CYP39A1: variants seen among roughly 807,000 people sequenced by gnomAD.
CYP39A1 encodes 24-hydroxycholesterol 7-alpha-hydroxylase.
In CYP39A1, 49 loss-of-function variants were observed where a neutral mutation model predicts 58.1. That is an observed-to-expected ratio of 0.84 (90% CI 0.67 to 1.07). The LOEUF (loss-of-function observed/expected upper bound fraction) is 1.07, where lower values mean the gene tolerates loss of function less well. CYP39A1 is among the 50% of genes least tolerant of loss of function. CYP39A1 has a pLI of 0.00. For missense variants in CYP39A1, 531 were observed against 539.4 expected (o/e 0.98, Z 0.16); for synonymous variants, 209 against 187.6 (o/e 1.11, Z -0.93).
At chr6:46,627,447 C>T (rs1161357689) in intron 6 of CYP39A1, among the ~76,000 whole-genome samples, 4 of 148,990 alleles carry the variant, frequency 2.7e-5, no homozygotes, top group African/African-American at 9.9e-5. Flanking sequence ...GAGACAGAGT[C>T]TCGCTCTGTT....
At chr6:46,615,059 T>C (rs970407352) in intron 7 of CYP39A1, among the ~76,000 whole-genome samples, 8 of 152,098 alleles carry the variant, frequency 5.3e-5, no homozygotes, top group Non-Finnish European at 1.0e-4. Context: ...AATGGCAAAG[T>C]CTTATTTTCA....
intron 7 of CYP39A1, among the ~76,000 whole-genome samples, chr6:46,614,674 C>T (rs551519121): frequency 2.0e-5 from 3 of 152,228 alleles, no homozygotes; most frequent in East Asian, 3.9e-4. Context: ...GATCATTACA[C>T]TTTCTATATT....
At chr6:46,584,476 C>T (rs949662370) in intron 10 of CYP39A1, among the ~76,000 whole-genome samples, 13 of 152,134 alleles carry the variant, frequency 8.5e-5, no homozygotes, top group Admixed American at 3.3e-4. Flanking sequence ...CGCTTCTAAT[C>T]ATCTTCCAAA....
At chr6:46,580,725 A>G (rs892310109) in intron 10 of CYP39A1, among the ~76,000 whole-genome samples, 12 of 152,210 alleles carry the variant, frequency 7.9e-5, no homozygotes, top group African/African-American at 2.9e-4. Context: ...AGAAATACAC[A>G]TGGGAAACAA....
intron 7 of CYP39A1, among the ~76,000 whole-genome samples, chr6:46,611,415 T>C (rs1774205560): frequency 6.6e-6 from 1 of 152,334 alleles, no homozygotes; most frequent in East Asian, 1.9e-4. Flanking sequence ...TTACATCCAA[T>C]GGAAGATAAG....
At position 46,611,523 on chromosome 6, in the gene CYP39A1, A is replaced by G. The variant is rs144426518; in HGVS notation, c.931+13895T>C. Among the ~76,000 whole-genome samples, 307 of 152,344 alleles carry G rather than the reference A, an allele frequency of 2.0e-3. 2 individuals are homozygous for G. The highest frequency in any genetic ancestry group is 7.2e-3 in the African/African-American group (300 of 41,582). Reference sequence around the variant, plus strand: ...ATTCTATCATGTCAAAAGAAGTTCAATGCCACTATACCAAGTCAACCATAT... The same window carrying G: ...ATTCTATCATGTCAAAAGAAGTTCAGTGCCACTATACCAAGTCAACCATAT... On this transcript the variant is annotated intron_variant, in intron 7 of 11. Coordinates refer to ENST00000275016, the MANE Select transcript of CYP39A1 (RefSeq NM_016593.5).
chr6:46,602,310 A>G (rs1016998105), intron 7 of CYP39A1, among the ~76,000 whole-genome samples: 7 of 152,216 alleles, frequency 4.6e-5, no homozygotes, highest in Non-Finnish European at 7.3e-5. Context: ...TAAGTAAAAA[A>G]GAGTTAGTAA....
At chr6:46,639,981 G>A (rs796912361) in intron 2 of CYP39A1, among the ~76,000 whole-genome samples, 17 of 152,150 alleles carry the variant, frequency 1.1e-4, no homozygotes, top group African/African-American at 3.1e-4. Context: ...CGGCTGTGGC[G>A]GGCACCTGTA....
At position 46,639,439 on chromosome 6, in the gene CYP39A1, AT is replaced by A. The variant is rs1442948623; in HGVS notation, c.488+54del. 3.2e-6 allele frequency: 5 copies of A among 1,562,504 alleles called. No individual in the cohort carries two copies. In the African/African-American group the frequency reaches 5.5e-5, roughly 17 times the overall value. On this transcript the variant is annotated intron_variant, in intron 3 of 11. Coordinates refer to ENST00000275016, the MANE Select transcript of CYP39A1 (RefSeq NM_016593.5). ...TTTGAAGTCCAATCTATAGGTTTCA[AT>A]TTTTTTATTTAAAACAAAAAGCAAG...
intron 7 of CYP39A1, among the ~76,000 whole-genome samples, chr6:46,598,177 G>T (rs1440207151): frequency 6.6e-6 from 1 of 152,126 alleles, no homozygotes; most frequent in Admixed American, 6.6e-5. Context: ...GGACACATTA[G>T]TGTATTACAG....
chr6:46,622,156 G>A (rs990435716), intron 7 of CYP39A1, among the ~76,000 whole-genome samples: 14 of 152,016 alleles, frequency 9.2e-5, no homozygotes, highest in South Asian at 4.1e-4. Context: ...ATTAATGGTC[G>A]TCAGAAGCTA....
At chr6:46,613,001 C>T (rs574004909) in intron 7 of CYP39A1, among the ~76,000 whole-genome samples, 1 of 152,090 alleles carries the variant, frequency 6.6e-6, no homozygotes, top group Non-Finnish European at 1.5e-5. Flanking sequence ...AAGCTGCATA[C>T]AAGTTATAAT....
chr6:46,577,998 C>T (rs1395336764), intron 10 of CYP39A1, among the ~76,000 whole-genome samples: 1 of 152,102 alleles, frequency 6.6e-6, no homozygotes, highest in African/African-American at 2.4e-5. Context: ...GCACATGGCA[C>T]ATACTCTAAG....
Position 46,652,516 on chromosome 6 carries a change from G to T in CYP39A1, c.67C>A (p.Arg23=), listed in dbSNP as rs911600643. The T allele has an allele frequency of 4.3e-6, 7 of 1,613,700 alleles. No homozygotes were observed. The East Asian group carries it at 1.6e-4, about 36-fold the overall frequency. The change falls in exon 1 of 12, where the codon CGG becomes AGG. Residue 23 remains arginine, a synonymous_variant. Transcript: ENST00000275016. ...GCLALFLLLQ[R]KNLRRPPCIK... is the part of the protein sequence containing the mutation. ...CACGGGGGTCTACGCAAATTCTTCCGCTGAAGGAGTAAGAACAGAGCAAGG... is the reference window on the plus strand; with the variant it reads ...CACGGGGGTCTACGCAAATTCTTCCTCTGAAGGAGTAAGAACAGAGCAAGG...
intron 5 of CYP39A1, among the ~76,000 whole-genome samples, chr6:46,631,740 C>T (rs1285910610): frequency 2.0e-5 from 3 of 152,224 alleles, no homozygotes; most frequent in Admixed American, 1.3e-4. Context: ...AGAGAACGGA[C>T]ATTTGACTTG....
At chr6:46,651,148 A>T (rs1762660533) in intron 1 of CYP39A1, among the ~76,000 whole-genome samples, 1 of 152,212 alleles carries the variant, frequency 6.6e-6, no homozygotes, top group African/African-American at 2.4e-5. Flanking sequence ...ATGTCCTTTG[A>T]CTCAGCAATT....
chr6:46,617,347 CAG>C (rs1774671517), intron 7 of CYP39A1, among the ~76,000 whole-genome samples: 1 of 151,984 alleles, frequency 6.6e-6, no homozygotes, highest in African/African-American at 2.4e-5. Context: ...AAACAAAATG[CAG>C]AGTGTTTTTA....
At chr6:46,575,077 A>C (rs1327939352) in intron 10 of CYP39A1, among the ~76,000 whole-genome samples, 1 of 152,120 alleles carries the variant, frequency 6.6e-6, no homozygotes. Flanking sequence ...TCCTAAAGAA[A>C]GGGTAAGTGA....
chr6:46,632,314 A>T (rs975042150), intron 5 of CYP39A1, among the ~76,000 whole-genome samples: 2 of 152,302 alleles, frequency 1.3e-5, no homozygotes, highest in African/African-American at 4.8e-5. Flanking sequence ...GGTGCTAGAT[A>T]GGTGTTCCTG....
Sources: gnomAD v4.1 joint callset for allele counts (sites outside exome capture counted in the v4.1 genomes callset) on GRCh38, gnomAD v4.1.1 for gene constraint, MANE v1.5 for transcripts, NCBI Gene and HGNC (gene_info 2026-07-23, HGNC 2026-07-21) for gene names.